The following ITGB6 variants were observed in gnomAD, a reference collection of about 807,000 sequenced individuals.
The protein encoded by ITGB6 is integrin beta-6.
In ITGB6, 80 loss-of-function variants were observed where a neutral mutation model predicts 84.5. The ratio of observed to expected loss-of-function variants is 0.95; its 90% CI spans 0.79 to 1.14. ITGB6 has a LOEUF of 1.14. Ranked by LOEUF, ITGB6 falls within the 50% of genes most tolerant of loss-of-function variation. The pLI, the probability that ITGB6 is intolerant of heterozygous loss-of-function variation, is 0.00. For missense variants in ITGB6, 1,006 were observed against 968.0 expected (o/e 1.04, Z -0.52); for synonymous variants, 383 against 354.9 (o/e 1.08, Z -0.89).
chr2:160,180,413 G>C (rs574741060), intron 4 of ITGB6, among the ~76,000 whole-genome samples: 3 of 152,190 alleles, frequency 2.0e-5, no homozygotes, highest in African/African-American at 7.2e-5. Context: ...CTACAGGCAT[G>C]TGCCACTGCA....
chr2:160,111,596 G>C (rs1254141275), intron 13 of ITGB6, among the ~76,000 whole-genome samples: 3 of 87,550 alleles, frequency 3.4e-5, no homozygotes, highest in Non-Finnish European at 7.1e-5. Flanking sequence ...AGTCATCTTA[G>C]CTGTTTTTTT....
chr2:160,129,852 C>G (rs1043187706), intron 10 of ITGB6, among the ~76,000 whole-genome samples: 11 of 151,892 alleles, frequency 7.2e-5, no homozygotes, highest in Non-Finnish European at 1.5e-5. Flanking sequence ...AGATGATAGA[C>G]ACAAAGATTT....
At chr2:160,147,307 G>T (rs1486496218) in intron 7 of ITGB6, among the ~76,000 whole-genome samples, 1 of 152,068 alleles carries the variant, frequency 6.6e-6, no homozygotes, top group African/African-American at 2.4e-5. Flanking sequence ...GAAGTCAGGG[G>T]AGTTATCTTC....
intron 7 of ITGB6, among the ~76,000 whole-genome samples, chr2:160,163,954 T>A (rs548825336): frequency 6.6e-6 from 1 of 152,238 alleles, no homozygotes; most frequent in Non-Finnish European, 1.5e-5. Flanking sequence ...CTCACCCCTA[T>A]AAAGTGAAGG....
chr2:160,159,267 T>G (rs752959752), intron 7 of ITGB6, among the ~76,000 whole-genome samples: 1 of 152,122 alleles, frequency 6.6e-6, no homozygotes, highest in Non-Finnish European at 1.5e-5. Context: ...CCAGAGATAC[T>G]AACTCAATTG....
intron 7 of ITGB6, among the ~76,000 whole-genome samples, chr2:160,161,439 T>C (rs1240749240): frequency 1.3e-5 from 2 of 152,138 alleles, no homozygotes; most frequent in Non-Finnish European, 2.9e-5. Context: ...TACAGGCACA[T>C]GCCACCACAC....
Position 160,200,185 on chromosome 2 carries a change from C to A in ITGB6, c.-122G>T. ...AGTATAACATTTTAAATACTACTTA[C>A]ACTGCTTTGAAAAGAAACTTGAGAT... is the stretch of plus-strand genomic sequence containing the variant. On this transcript the variant is annotated 5_prime_UTR_variant, in exon 1 of 15. Transcript: ENST00000283249. 1.4e-6 allele frequency: 1 copy of A among 725,810 alleles called. No homozygotes were observed. The highest frequency in any genetic ancestry group is 2.3e-6 in the Non-Finnish European group (1 of 436,416). 45.0% of individuals were successfully genotyped at this position (725,810 alleles called of 1,614,324 possible). A position where few individuals can be genotyped will look rare whatever the true frequency, so the allele number is the denominator to read the frequency against.
intron 12 of ITGB6, among the ~76,000 whole-genome samples, chr2:160,117,167 A>G (rs1367492498): frequency 1.3e-5 from 2 of 152,154 alleles, no homozygotes; most frequent in African/African-American, 4.8e-5. Flanking sequence ...AGCGGACCTA[A>G]TAGACATCTA....
chr2:160,185,695 G>A (rs1414765625), intron 4 of ITGB6, among the ~76,000 whole-genome samples: 1 of 152,170 alleles, frequency 6.6e-6, no homozygotes, highest in East Asian at 1.9e-4. Context: ...CAAAGCTGGA[G>A]GCATCATGCC....
At chr2:160,189,854 G>A (rs549897921) in intron 4 of ITGB6, among the ~76,000 whole-genome samples, 12 of 152,212 alleles carry the variant, frequency 7.9e-5, no homozygotes, top group East Asian at 3.9e-4. Context: ...CCATTACTGG[G>A]TATATACCCA....
intron 6 of ITGB6, among the ~76,000 whole-genome samples, chr2:160,170,575 G>A (rs929352766): frequency 4.6e-5 from 7 of 152,190 alleles, no homozygotes; most frequent in African/African-American, 1.7e-4. Context: ...GGTGAGCGAA[G>A]CTGGTTTTCT....
At chr2:160,116,114 C>G (rs1395597022) in intron 12 of ITGB6, among the ~76,000 whole-genome samples, 4 of 146,646 alleles carry the variant, frequency 2.7e-5, no homozygotes, top group African/African-American at 7.6e-5. Flanking sequence ...GAGAACTTCC[C>G]CAATCTAGCA....
At chr2:160,198,388 C>T (rs1285416135) in intron 2 of ITGB6, among the ~76,000 whole-genome samples, 1 of 152,152 alleles carries the variant, frequency 6.6e-6, no homozygotes, top group African/African-American at 2.4e-5. Flanking sequence ...GCTCTTTGAG[C>T]ATGCTACTCA....
intron 10 of ITGB6, among the ~76,000 whole-genome samples, chr2:160,128,953 T>C (rs1211266401): frequency 6.6e-6 from 1 of 151,946 alleles, no homozygotes; most frequent in African/African-American, 2.4e-5. Context: ...TGGGATCCAT[T>C]AGGGAAAGGT....
intron 4 of ITGB6, among the ~76,000 whole-genome samples, chr2:160,183,288 G>A (rs746328690): frequency 9.9e-5 from 15 of 152,130 alleles, no homozygotes; most frequent in Non-Finnish European, 1.8e-4. Flanking sequence ...TAAAGGGATG[G>A]AGGAAGATTT....
intron 4 of ITGB6, among the ~76,000 whole-genome samples, chr2:160,194,796 T>C (rs955350958): frequency 1.3e-5 from 2 of 152,210 alleles, no homozygotes; most frequent in African/African-American, 4.8e-5. Flanking sequence ...TAATAGCTTA[T>C]TATAGCATAT....
chr2:160,169,689 A>G (rs1231838953), intron 6 of ITGB6, among the ~76,000 whole-genome samples: 1 of 152,138 alleles, frequency 6.6e-6, no homozygotes, highest in African/African-American at 2.4e-5. Flanking sequence ...CAGTCGAGGG[A>G]GGGGCTGTTG....
intron 13 of ITGB6, among the ~76,000 whole-genome samples, chr2:160,109,396 T>C (rs1457063677): frequency 1.3e-5 from 2 of 152,208 alleles, no homozygotes; most frequent in African/African-American, 2.4e-5. Flanking sequence ...GCTACATCTT[T>C]GGCTAAGAAA....
chr2:160,148,827 C>A (rs1684294217), intron 7 of ITGB6, among the ~76,000 whole-genome samples: 1 of 152,228 alleles, frequency 6.6e-6, no homozygotes, highest in Non-Finnish European at 1.5e-5. Flanking sequence ...CTCCCACACC[C>A]ACGGAGCCTT....
Sources: allele counts gnomAD v4.1 joint callset (sites outside exome capture counted in the v4.1 genomes callset), GRCh38; gene constraint gnomAD v4.1.1; transcripts MANE v1.5; gene names NCBI Gene and HGNC (gene_info 2026-07-23, HGNC 2026-07-21).